The following MSI2 variants were observed in gnomAD, a reference collection of about 807,000 sequenced individuals.
MSI2 encodes the protein musashi RNA binding protein 2.
A neutral mutation model predicts 45.6 loss-of-function variants in MSI2; 17 were observed. That is an observed-to-expected ratio of 0.37 (90% confidence interval 0.26 to 0.56). The LOEUF (loss-of-function observed/expected upper bound fraction) is 0.56. Ranked by LOEUF, MSI2 falls within the 20% of genes least tolerant of loss-of-function variation. The probability of loss-of-function intolerance (pLI) is 0.77; values close to 1 mark genes in which losing one functional copy is unlikely to be tolerated. For missense variants in MSI2, 293 were observed against 444.2 expected (o/e 0.66, Z 3.06); for synonymous variants, 156 against 158.2 (o/e 0.99, Z 0.11).
At chr17:57,384,027 C>CT (rs1409863030) in intron 5 of MSI2, among the ~76,000 whole-genome samples, 5 of 152,256 alleles carry the variant, frequency 3.3e-5, no homozygotes, top group African/African-American at 1.2e-4. Flanking sequence ...AAACTGAAAA[C>CT]TGACTCTTCA....
intron 8 of MSI2, among the ~76,000 whole-genome samples, chr17:57,603,406 G>A (rs1340360531): frequency 2.6e-5 from 4 of 152,214 alleles, no homozygotes; most frequent in Admixed American, 1.3e-4. Context: ...GTCCACCGCT[G>A]GTGATTCTGT....
chr17:57,458,787 A>G (rs2085166981), intron 6 of MSI2, among the ~76,000 whole-genome samples: 1 of 152,162 alleles, frequency 6.6e-6, no homozygotes, highest in Non-Finnish European at 1.5e-5. Flanking sequence ...TCAAGGTGGG[A>G]TACAGGTGGG....
chr17:57,459,463 C>T (rs760233524), intron 6 of MSI2, among the ~76,000 whole-genome samples: 1 of 152,182 alleles, frequency 6.6e-6, no homozygotes, highest in Non-Finnish European at 1.5e-5. Flanking sequence ...GTAGGAGGCC[C>T]TGAACTTTTG....
intron 6 of MSI2, among the ~76,000 whole-genome samples, chr17:57,528,833 G>A (rs1236350165): frequency 1.3e-5 from 2 of 152,118 alleles, no homozygotes; most frequent in Non-Finnish European, 2.9e-5. Flanking sequence ...ACATTTTGAG[G>A]TCCTGGGGGT....
chr17:57,627,292 A>G lies in MSI2; in HGVS notation c.716A>G (p.Tyr239Cys), dbSNP rs1274295548. The G allele has an allele frequency of 3.7e-6, 6 of 1,614,224 alleles. No homozygotes were observed. The highest frequency in any genetic ancestry group is 4.5e-5 in the East Asian group (2 of 44,888). The change falls in exon 10 of 14, where the codon TAT (tyrosine) becomes TGT (cysteine). Residue 239 changes from tyrosine (Y) to cysteine (C), a missense_variant. By Grantham distance (194) the Tyr-to-Cys change is radical. Transcript: ENST00000284073. This position sits in a 1 kb window ranked among gnomAD's most constrained non-coding sequence, Gnocchi z 4.6. ...CCCGGATTTGCTCCAAGCTATGGCT[A>G]TCAGTTCCCAGGTGAGTGGCTTGGT... Reference protein sequence around the residue: ...GYPGFAPSYGYQFPGFPAAAY... With the variant: ...GYPGFAPSYGCQFPGFPAAAY...
chr17:57,643,745 G>A (rs1910431135), intron 10 of MSI2, among the ~76,000 whole-genome samples: 1 of 152,254 alleles, frequency 6.6e-6, no homozygotes, highest in Non-Finnish European at 1.5e-5. Flanking sequence ...CTATCAGTCT[G>A]AAGAGTTACA....
intron 6 of MSI2, among the ~76,000 whole-genome samples, chr17:57,507,899 G>A (rs905410622): frequency 2.6e-4 from 40 of 152,098 alleles, no homozygotes; most frequent in Non-Finnish European, 1.0e-4. Flanking sequence ...TCCCACCTCA[G>A]CCTCCCAAAG....
chr17:57,314,982 C>T (rs542783049), intron 5 of MSI2, among the ~76,000 whole-genome samples: 3 of 152,210 alleles, frequency 2.0e-5, no homozygotes, highest in South Asian at 2.1e-4. Flanking sequence ...AATCATCAAG[C>T]GGAGGGATGC....
At chr17:57,258,377 T>C in intron 4 of MSI2, 23 bp downstream of exon 4, 1 of 1,590,772 alleles carries the variant, frequency 6.3e-7, no homozygotes, top group East Asian at 2.2e-5. Context: ...TTGTTGTTGT[T>C]GTTCGCCCCT....
intron 8 of MSI2, chr17:57,608,148 G>C: frequency 6.6e-6 from 1 of 152,530 alleles, no homozygotes; most frequent in South Asian, 2.1e-4. Flanking sequence ...TGAAGGACCA[G>C]GGCTTCCCAG....
intron 7 of MSI2, among the ~76,000 whole-genome samples, chr17:57,563,748 A>ACG (rs2087655108): frequency 1.9e-5 from 2 of 106,948 alleles, no homozygotes; most frequent in African/African-American, 8.2e-5. Flanking sequence ...ACAGGCGCGC[A>ACG]CACACACACA....
intron 6 of MSI2, among the ~76,000 whole-genome samples, chr17:57,404,453 G>C (rs947042664): frequency 1.3e-5 from 2 of 152,180 alleles, no homozygotes; most frequent in African/African-American, 4.8e-5. Context: ...GTATCCTCCA[G>C]TCTATTTGGC....
At chr17:57,688,394 G>A (rs1211491905), downstream of MSI2, among the ~76,000 whole-genome samples, 1 of 152,046 alleles carries the variant, frequency 6.6e-6, no homozygotes, top group Non-Finnish European at 1.5e-5. Flanking sequence ...CTCAGTAATG[G>A]AAATAGGAAA....
intron 5 of MSI2, among the ~76,000 whole-genome samples, chr17:57,281,328 C>CA (rs1254312495): frequency 6.6e-6 from 1 of 152,200 alleles, no homozygotes; most frequent in Non-Finnish European, 1.5e-5. Context: ...GCAACGCCAT[C>CA]ACCAGCCAAT....
intron 6 of MSI2, among the ~76,000 whole-genome samples, chr17:57,480,165 GT>G (rs940586504): frequency 5.9e-5 from 9 of 152,130 alleles, no homozygotes; most frequent in African/African-American, 2.2e-4. Context: ...GTTTCACCAT[GT>G]TGGCCGGGCT....
At chr17:57,679,326 A>G (rs964006445) in intron 13 of MSI2, among the ~76,000 whole-genome samples, 5 of 152,318 alleles carry the variant, frequency 3.3e-5, no homozygotes, top group South Asian at 2.1e-4. Flanking sequence ...TCCTCTCCCC[A>G]GTGTCAGGTA....
chr17:57,265,201 T>G (rs1008198832), intron 5 of MSI2: 2 of 152,240 alleles, frequency 1.3e-5, no homozygotes, highest in African/African-American at 4.8e-5. Context: ...AAGTCGACCC[T>G]GATTTATTTA....
intron 7 of MSI2, among the ~76,000 whole-genome samples, chr17:57,589,215 C>T (rs1022738179): frequency 4.6e-5 from 7 of 152,186 alleles, no homozygotes; most frequent in Admixed American, 2.0e-4. Flanking sequence ...CCTCTAATGG[C>T]GACTCCAATT....
At chr17:57,306,144 A>C (rs1911868674) in intron 5 of MSI2, among the ~76,000 whole-genome samples, 1 of 151,844 alleles carries the variant, frequency 6.6e-6, no homozygotes, top group African/African-American at 2.4e-5. Flanking sequence ...AGCAACTGGG[A>C]GCCTCTGGGG....
Sources: gnomAD v4.1 joint callset for allele counts (sites outside exome capture counted in the v4.1 genomes callset) on GRCh38, gnomAD v4.1.1 for gene constraint, Gnocchi (gnomAD v3.1) non-coding constraint, MANE v1.5 for transcripts, NCBI Gene and HGNC (gene_info 2026-07-23, HGNC 2026-07-21) for gene names.